Variants in SMOC2 observed in about 807,000 individuals in gnomAD.
SMOC2 encodes the protein SPARC-related modular calcium-binding protein 2.
In SMOC2, 39 loss-of-function variants were observed where a neutral mutation model predicts 61.4. The observed-to-expected ratio is 0.64, with a 90% CI of 0.49 to 0.83. The LOEUF is 0.83. Ranked by LOEUF, SMOC2 falls within the 40% of genes least tolerant of loss-of-function variation. The pLI, the probability that SMOC2 is intolerant of heterozygous loss-of-function variation, is 0.00. For missense variants in SMOC2, 556 were observed against 592.9 expected (o/e 0.94, Z 0.65); for synonymous variants, 247 against 239.9 (o/e 1.03, Z -0.27).
chr6:168,477,701 C>T (rs575874121), intron 1 of SMOC2, among the ~76,000 whole-genome samples: 7 of 151,930 alleles, frequency 4.6e-5, no homozygotes, highest in African/African-American at 7.2e-5. Flanking sequence ...TGTGTTGGGG[C>T]GGTGGGTTGT....
chr6:168,468,086 G>A (rs1027717526), intron 1 of SMOC2, among the ~76,000 whole-genome samples: 1 of 152,118 alleles, frequency 6.6e-6, no homozygotes, highest in Non-Finnish European at 1.5e-5. Context: ...TAACTCAGGG[G>A]GGCTCTGAGG....
chr6:168,515,367 A>G (rs1227954278), intron 2 of SMOC2, among the ~76,000 whole-genome samples: 1 of 152,230 alleles, frequency 6.6e-6, no homozygotes, highest in Non-Finnish European at 1.5e-5. Flanking sequence ...TTCCCCGCGC[A>G]TCACAGATCT....
chr6:168,521,952 G>A (rs1437381855), intron 2 of SMOC2, among the ~76,000 whole-genome samples: 3 of 152,154 alleles, frequency 2.0e-5, no homozygotes, highest in South Asian at 2.1e-4. Context: ...GGCTCTGCAG[G>A]TAAGAGCAAA....
intron 7 of SMOC2, among the ~76,000 whole-genome samples, chr6:168,583,866 G>GGGAGGAGGGC (rs1302290983): frequency 6.7e-6 from 1 of 149,520 alleles, no homozygotes; most frequent in East Asian, 1.9e-4. Flanking sequence ...AACTGAAGAA[G>GGGAGGAGGGC]GGAGGAGGGC....
intron 11 of SMOC2, among the ~76,000 whole-genome samples, chr6:168,657,667 C>T (rs562628237): frequency 1.3e-5 from 2 of 152,176 alleles, no homozygotes; most frequent in African/African-American, 4.8e-5. Context: ...TGAACACAAA[C>T]GTATTAGCTT....
chr6:168,660,176 A>G (rs1232309335), intron 11 of SMOC2, among the ~76,000 whole-genome samples: 1 of 152,118 alleles, frequency 6.6e-6, no homozygotes, highest in Non-Finnish European at 1.5e-5. Flanking sequence ...TGGTTAATAC[A>G]CCCACTCTCC....
In SMOC2 at chr6:168,666,544, T is replaced by G; in HGVS notation, c.*106T>G. The G allele has an allele frequency of 8.2e-7, 1 of 1,220,846 alleles. No homozygotes were observed. Among genetic ancestry groups the G allele is most frequent in the African/African-American group, 1.5e-5 (1 of 66,312 alleles). 75.6% of individuals were successfully genotyped at this position (1,220,846 alleles called of 1,614,324 possible). A position where few individuals can be genotyped will look rare whatever the true frequency, so the allele number is the denominator to read the frequency against. ...AACACATAGTATTTGCACTTTGTAC[T>G]TTAAATGTAAATTCACTTTGTAGAA... On this transcript the variant is annotated 3_prime_UTR_variant, in exon 13 of 13. Transcript: ENST00000356284.
rs1781519048 is a variant in SMOC2, at chr6:168,453,794, T to C, written c.84+12340T>C. On this transcript the variant is annotated intron_variant, in intron 1 of 12. Coordinates refer to ENST00000356284, the MANE Select transcript of SMOC2 (RefSeq NM_001166412.2). This position sits in a 1 kb window ranked among gnomAD's most constrained non-coding sequence, Gnocchi z 4.4. ...CTCTCTGATTCTATCTCTTGGTCTC[T>C]GTCATTCTCCATCTCTGTCCTCTAT... is the stretch of plus-strand genomic sequence containing the variant. Among the ~76,000 whole-genome samples the C allele has an allele frequency of 6.6e-6, 1 of 152,058 alleles. No homozygotes were observed. The highest frequency in any genetic ancestry group is 2.4e-5 in the African/African-American group (1 of 41,400).
Position 168,515,611 on chromosome 6 carries a change from C to T in SMOC2, c.256+5525C>T, listed in dbSNP as rs5026837. On this transcript the variant is annotated intron_variant, in intron 2 of 12. Coordinates refer to ENST00000356284, the MANE Select transcript of SMOC2 (RefSeq NM_001166412.2). ...GGCGGAAGACGGGCCTTGCCCTGAG[C>T]GGCCGGCTCCTTCCTAGGCCTCGCC... Among the ~76,000 whole-genome samples, 1,475 of 151,788 alleles carry T rather than the reference C, an allele frequency of 9.7e-3. 13 individuals carry two copies. The highest frequency in any genetic ancestry group is 0.013 in the Non-Finnish European group (906 of 67,836).
intron 1 of SMOC2, among the ~76,000 whole-genome samples, chr6:168,502,972 TAGCC>T (rs1053808626): frequency 2.6e-5 from 4 of 151,826 alleles, no homozygotes; most frequent in Admixed American, 1.3e-4. Flanking sequence ...TTCACTGTGT[TAGCC>T]AGGATGGTCT....
chr6:168,511,969 T>C (rs1239596872), intron 2 of SMOC2, among the ~76,000 whole-genome samples: 3 of 152,122 alleles, frequency 2.0e-5, no homozygotes, highest in Non-Finnish European at 2.9e-5. Context: ...GTATTATACA[T>C]CTGAGGGCAC....
chr6:168,655,317 C>T, intron 11 of SMOC2: 1 of 440,530 alleles, frequency 2.3e-6, no homozygotes, highest in Non-Finnish European at 4.6e-6. Flanking sequence ...TGGCCCAGAC[C>T]AGTTATTCCA....
intron 8 of SMOC2, among the ~76,000 whole-genome samples, chr6:168,600,976 A>C (rs537247068): frequency 6.6e-6 from 1 of 152,346 alleles, no homozygotes; most frequent in South Asian, 2.1e-4. Context: ...TTGTAACATG[A>C]ATTTGACTTC....
chr6:168,598,851 T>C lies in SMOC2; in HGVS notation c.671T>C (p.Leu224Pro), dbSNP rs146747157. 3.1e-6 allele frequency: 5 copies of C among 1,613,712 alleles called. No homozygotes were observed. In the African/African-American group the frequency reaches 5.3e-5, roughly 17 times the overall value. Residue 224 changes from leucine to proline, a missense_variant, in exon 8 of 13, where the codon CTG (leucine) becomes CCG (proline). Coordinates refer to ENST00000356284, the MANE Select transcript of SMOC2 (RefSeq NM_001166412.2). ...SSCDQEHQSA[L>P]EEAKQPKNDN... The stretch of plus-strand genomic sequence containing the variant: ...TGTGACCAAGAGCACCAGTCTGCCC[T>C]GGAGGAAGCCAAGCAGCCCAAGAAC...
intron 9 of SMOC2, among the ~76,000 whole-genome samples, chr6:168,615,464 T>C (rs535408127): frequency 8.3e-6 from 1 of 120,124 alleles, no homozygotes; most frequent in African/African-American, 3.3e-5. Flanking sequence ...ACAGGGCCTC[T>C]TCACACCTAC....
intron 1 of SMOC2, among the ~76,000 whole-genome samples, chr6:168,476,941 T>A (rs1782101004): frequency 2.0e-5 from 3 of 151,016 alleles, no homozygotes; most frequent in Admixed American, 6.6e-5. Flanking sequence ...TCAGCAACTT[T>A]ATTTCCCTTG....
chr6:168,527,910 TA>T (rs1783493624), intron 4 of SMOC2, among the ~76,000 whole-genome samples, 183 bp downstream of exon 4: 1 of 152,250 alleles, frequency 6.6e-6, no homozygotes, highest in South Asian at 2.1e-4. Context: ...CCCTTGTTTT[TA>T]AGAGGGGAAG....
At chr6:168,607,409 C>A (rs1238782081) in intron 8 of SMOC2, among the ~76,000 whole-genome samples, 1 of 152,152 alleles carries the variant, frequency 6.6e-6, no homozygotes, top group African/African-American at 2.4e-5. Flanking sequence ...GAATCTGACA[C>A]CCTTAGGGAC....
At chr6:168,650,013 G>A (rs1367230416) in intron 9 of SMOC2, among the ~76,000 whole-genome samples, 1 of 152,160 alleles carries the variant, frequency 6.6e-6, no homozygotes, top group Non-Finnish European at 1.5e-5. Context: ...GGTGGGAGAG[G>A]AGAGTGGTGT....
Sources: gnomAD v4.1 joint callset for allele counts (sites outside exome capture counted in the v4.1 genomes callset) on GRCh38, gnomAD v4.1.1 for gene constraint, Gnocchi (gnomAD v3.1) non-coding constraint, MANE v1.5 for transcripts, NCBI Gene and HGNC (gene_info 2026-07-23, HGNC 2026-07-21) for gene names.